The following CCDC80 variants were observed in gnomAD, a reference collection of about 807,000 sequenced individuals.
The protein encoded by CCDC80 is coiled-coil domain-containing protein 80.
Under a neutral mutation model 78.7 loss-of-function variants are expected in CCDC80, and 49 were observed. The ratio of observed to expected loss-of-function variants is 0.62; its 90% CI spans 0.50 to 0.79. CCDC80 has a LOEUF of 0.79. Ranked by LOEUF, CCDC80 falls within the 30% of genes least tolerant of loss-of-function variation. The pLI is 0.00. For missense variants in CCDC80, 1,205 were observed against 1,198.6 expected, an observed-to-expected ratio of 1.01 and a Z score of -0.08; for synonymous variants, 488 against 447.0, an observed-to-expected ratio of 1.09 and a Z score of -1.16.
chr3:112,638,232 G>T lies in CCDC80; in HGVS notation c.1674C>A (p.Asn558Lys). 6.2e-7 allele frequency: 1 copy of T among 1,612,602 alleles called. No homozygotes were observed. Among genetic ancestry groups the T allele is most frequent in the Non-Finnish European group, 8.5e-7 (1 of 1,178,946 alleles). ...TTTCACTCTTAAGTAACTTGTCTGCGTTCTCATTCTTCATCTTTTTTTTCT... is the reference window on the plus strand; with the variant it reads ...TTTCACTCTTAAGTAACTTGTCTGCTTTCTCATTCTTCATCTTTTTTTTCT... ...KEKKKKMKNE[N>K]ADKLLKSEKQ... is the part of the protein sequence containing the mutation. The change falls in exon 2 of 8, where the codon AAC becomes AAA. Residue 558 changes from asparagine (N) to lysine (K), a missense_variant. Asn to Lys is a moderately conservative substitution (Grantham distance 94, BLOSUM62 0). Coordinates refer to ENST00000206423, the MANE Select transcript of CCDC80 (RefSeq NM_199511.3).
At chr3:112,630,495 T>G (rs1452976275) in intron 2 of CCDC80, among the ~76,000 whole-genome samples, 1 of 152,194 alleles carries the variant, frequency 6.6e-6, no homozygotes, top group Non-Finnish European at 1.5e-5. Flanking sequence ...ATTATTTACC[T>G]CCATTACTAG....
intron 5 of CCDC80, among the ~76,000 whole-genome samples, chr3:112,614,163 G>A (rs184854045): frequency 1.9e-4 from 29 of 152,220 alleles, no homozygotes; most frequent in African/African-American, 6.5e-4. Context: ...TGTATTAAAT[G>A]TATAATGCCT....
intron 3 of CCDC80, among the ~76,000 whole-genome samples, chr3:112,624,921 A>G (rs1175592494): frequency 6.6e-6 from 1 of 152,142 alleles, no homozygotes; most frequent in Non-Finnish European, 1.5e-5. Context: ...GATCAAACCT[A>G]ATAGCAAATC....
At chr3:112,608,250 AG>A (rs776147038) in intron 6 of CCDC80, among the ~76,000 whole-genome samples, 2 of 152,228 alleles carry the variant, frequency 1.3e-5, no homozygotes, top group Non-Finnish European at 2.9e-5. Context: ...ACTAATAATA[AG>A]GTTGTTGGTG....
At chr3:112,614,929 T>G (rs1291214477) in intron 5 of CCDC80, among the ~76,000 whole-genome samples, 1 of 152,172 alleles carries the variant, frequency 6.6e-6, no homozygotes, top group Non-Finnish European at 1.5e-5. Context: ...TCACAGTATT[T>G]AGCTCATGGG....
rs146058748 is a variant in CCDC80, at chr3:112,638,091, C to A, written c.1815G>T (p.Thr605=). ...CGGCCACTGACTTCTTGGGACTCTG[C>A]GTGAAGTGTTTGTTGGTGGGTTTCT... ...GYQKPTNKHF[T]QSPKKSVADL... Residue 605 remains threonine, a synonymous_variant, in exon 2 of 8, where the codon ACG becomes ACT. Coordinates refer to ENST00000206423, the MANE Select transcript of CCDC80 (RefSeq NM_199511.3). 3.7e-6 allele frequency: 6 copies of A among 1,613,924 alleles called. No individual in the cohort carries two copies. Among genetic ancestry groups the A allele is most frequent in the East Asian group, 4.5e-5 (2 of 44,902 alleles).
At chr3:112,630,818 C>T (rs1181985930) in intron 2 of CCDC80, among the ~76,000 whole-genome samples, 2 of 152,126 alleles carry the variant, frequency 1.3e-5, no homozygotes, top group African/African-American at 2.4e-5. Context: ...GACTTTTAGG[C>T]CTACGTTTTG....
intron 3 of CCDC80, among the ~76,000 whole-genome samples, chr3:112,622,822 A>ATTTTTTTTTTTTTT (rs373170477): frequency 5.0e-4 from 60 of 118,882 alleles, no homozygotes; most frequent in African/African-American, 6.9e-4. Context: ...TGCCCAGCTA[A>ATTTTTTTTTTTTTT]TTTTTTTTTT....
chr3:112,605,559 G>T lies in CCDC80; in HGVS notation c.2711C>A (p.Ala904Glu), dbSNP rs1269828092. Residue 904 changes from alanine (A) to glutamate (E), a missense_variant, in exon 8 of 8, where the codon GCG becomes GAG. Coordinates refer to ENST00000206423, the MANE Select transcript of CCDC80 (RefSeq NM_199511.3). ...GCGCATCCCCAGTGACTGCTGAATC[G>T]CCATTTCCTGTCTCCGAAGTTGCAT... Reference protein sequence around the residue: ...DSMQLRRQEMAIQQSLGMRCP... With the variant: ...DSMQLRRQEMEIQQSLGMRCP... 5.0e-6 allele frequency: 8 copies of T among 1,613,988 alleles called. No individual in the cohort carries two copies. Among genetic ancestry groups the T allele is most frequent in the Non-Finnish European group, 6.8e-6 (8 of 1,180,046 alleles).
intron 3 of CCDC80, among the ~76,000 whole-genome samples, chr3:112,627,222 TAC>T (rs2107487857): frequency 6.6e-6 from 1 of 152,292 alleles, no homozygotes; most frequent in Admixed American, 6.5e-5. Flanking sequence ...TCACTAAACA[TAC>T]ACACCCAACA....
chr3:112,639,807 G>A lies in CCDC80; in HGVS notation c.99C>T (p.His33=), dbSNP rs377429645. 1.9e-6 allele frequency: 3 copies of A among 1,614,022 alleles called. No individual in the cohort carries two copies. Among genetic ancestry groups the A allele is most frequent in the South Asian group, 2.2e-5 (2 of 91,086 alleles). ...AAACCAAAGGCACTTTCCGTCCTCC[G>A]TGGCTGCCTCTAATAGTGGCATGGG... is the stretch of plus-strand genomic sequence containing the variant. The part of the protein sequence containing the change: ...PHPHATIRGS[H]GGRKVPLVSP... The change falls in exon 2 of 8, where the codon CAC becomes CAT. Residue 33 remains histidine (H), a synonymous_variant. Coordinates refer to ENST00000206423, the MANE Select transcript of CCDC80 (RefSeq NM_199511.3).
At chr3:112,618,518 C>A (rs767123481) in intron 4 of CCDC80, among the ~76,000 whole-genome samples, 1 of 151,140 alleles carries the variant, frequency 6.6e-6, no homozygotes, top group Non-Finnish European at 1.5e-5. Flanking sequence ...CAGGGTGAGA[C>A]TCCGTCTCAA....
intron 4 of CCDC80, among the ~76,000 whole-genome samples, 158 bp downstream of exon 4, chr3:112,618,810 A>G (rs1413352435): frequency 6.6e-6 from 1 of 152,212 alleles, no homozygotes; most frequent in Non-Finnish European, 1.5e-5. Context: ...CTGGATGCAA[A>G]TTCGTAGGAC....
chr3:112,603,537 ATATATAT>A lies in CCDC80; in HGVS notation c.*1873_*1879del, dbSNP rs1452984318. 2.7e-5 allele frequency: 4 copies of A among 146,594 alleles called. No individual in the cohort carries two copies. Among genetic ancestry groups the A allele is most frequent in the African/African-American group, 5.0e-5 (2 of 40,102 alleles). The allele number at this position is 146,594 out of a possible 1,614,324, so 9.1% of individuals were successfully genotyped here. ...CTCGAAAAAAATATATATATATATA[ATATATAT>A]TATATATTTTATATATGTATATAAA... On this transcript the variant is annotated 3_prime_UTR_variant, in exon 8 of 8. Coordinates refer to ENST00000206423, the MANE Select transcript of CCDC80 (RefSeq NM_199511.3).
In CCDC80 at chr3:112,640,792, C is replaced by T. The variant is rs1016207677; in HGVS notation, c.-477G>A. 2 of 152,152 alleles carry T rather than the reference C, an allele frequency of 1.3e-5. No homozygotes were observed. Among genetic ancestry groups the T allele is most frequent in the Admixed American group, 1.3e-4 (2 of 15,276 alleles). 9.4% of individuals were successfully genotyped at this position (152,152 alleles called of 1,614,324 possible). A position where few individuals can be genotyped will look rare whatever the true frequency, so the allele number is the denominator to read the frequency against. ...TTTCCCCCATAGTCTGGCTTAGTCT[C>T]TTTGTTTCCGGGCGTAAAAGCACTG... On this transcript the variant is annotated 5_prime_UTR_variant, in exon 1 of 8. Coordinates refer to ENST00000206423, the MANE Select transcript of CCDC80 (RefSeq NM_199511.3).
At chr3:112,618,592 C>T (rs1268285300) in intron 4 of CCDC80, among the ~76,000 whole-genome samples, 1 of 152,100 alleles carries the variant, frequency 6.6e-6, no homozygotes, top group African/African-American at 2.4e-5. Flanking sequence ...CACTTCTAGA[C>T]CCCTCTGAGA....
At chr3:112,613,349 T>C (rs1262253420) in intron 5 of CCDC80, among the ~76,000 whole-genome samples, 1 of 152,162 alleles carries the variant, frequency 6.6e-6, no homozygotes, top group Non-Finnish European at 1.5e-5. Context: ...TATATATATC[T>C]CTGAATATCC....
intron 6 of CCDC80, 132 bp downstream of exon 6, chr3:112,609,846 G>GTA (rs1486333266): frequency 9.3e-6 from 6 of 648,092 alleles, no homozygotes; most frequent in African/African-American, 1.8e-5. Context: ...ATATAGTAGA[G>GTA]TATGTGTCTG....
intron 2 of CCDC80, among the ~76,000 whole-genome samples, chr3:112,633,578 A>G (rs1053228000): frequency 2.0e-5 from 3 of 152,140 alleles, no homozygotes; most frequent in African/African-American, 7.2e-5. Flanking sequence ...AGATCACCCT[A>G]GTCAGAGGAG....
Sources: allele counts gnomAD v4.1 joint callset (sites outside exome capture counted in the v4.1 genomes callset), GRCh38; gene constraint gnomAD v4.1.1; transcripts MANE v1.5; gene names NCBI Gene and HGNC (gene_info 2026-07-23, HGNC 2026-07-21).